Variants in DOCK1 observed in about 807,000 individuals in gnomAD.
DOCK1 encodes dedicator of cytokinesis 1.
In DOCK1, 138 loss-of-function variants were observed where a neutral mutation model predicts 262.7. The observed-to-expected ratio is 0.53, with a 90% CI of 0.46 to 0.61. The LOEUF (loss-of-function observed/expected upper bound fraction) is 0.61, where lower values mean the gene tolerates loss of function less well. Among genes scored for constraint, DOCK1 ranks in the 20% least tolerant of loss-of-function variants. The pLI is 0.00. For synonymous variants in DOCK1, 866 were observed against 867.4 expected (o/e 1.00, Z 0.03); for missense variants, 1,908 against 2,370.7 (o/e 0.80, Z 4.05).
intron 25 of DOCK1, among the ~76,000 whole-genome samples, chr10:127,116,856 T>C (rs751832526): frequency 9.9e-5 from 15 of 152,204 alleles, no homozygotes; most frequent in Non-Finnish European, 1.9e-4. Flanking sequence ...AATTAGATAG[T>C]TGTGCTGATG....
At chr10:127,424,067 AC>A (rs374342109) in intron 46 of DOCK1, among the ~76,000 whole-genome samples, 1 of 152,096 alleles carries the variant, frequency 6.6e-6, no homozygotes, top group Non-Finnish European at 1.5e-5. Context: ...ACCATTTCAG[AC>A]CCTCGGTCTA....
intron 1 of DOCK1, among the ~76,000 whole-genome samples, chr10:126,966,024 C>A (rs959643329): frequency 0.03 from 4,630 of 152,242 alleles, 206 homozygotes; most frequent in African/African-American, 0.1. Context: ...CCACTTCCCC[C>A]CTACCCTTCT....
At position 127,175,164 on chromosome 10, in the gene DOCK1, T is replaced by C. The variant is rs2133887381; in HGVS notation, c.2847+47400T>C. 1 of 1,493,774 alleles carries C rather than the reference T, an allele frequency of 6.7e-7. No homozygotes were observed. The highest frequency in any genetic ancestry group is 9.2e-7 in the Non-Finnish European group (1 of 1,088,014). The allele number at this position is 1,493,774 out of a possible 1,614,324, so 92.5% of individuals were successfully genotyped here. A position where few individuals can be genotyped will look rare whatever the true frequency, so the allele number is the denominator to read the frequency against. ...GGTTTGGGGCTACAGATGGACTCTGTGGTGATCAGCCTGCATAGCTTCCTA... is the reference window on the plus strand; with the variant it reads ...GGTTTGGGGCTACAGATGGACTCTGCGGTGATCAGCCTGCATAGCTTCCTA... On this transcript the variant is annotated intron_variant, in intron 27 of 51. Transcript: ENST00000623213. This position sits in a 1 kb window ranked among gnomAD's most constrained non-coding sequence, Gnocchi z 6.3.
At chr10:126,906,387 G>C (rs1008092085) in intron 1 of DOCK1, among the ~76,000 whole-genome samples, 5 of 152,206 alleles carry the variant, frequency 3.3e-5, no homozygotes, top group African/African-American at 1.2e-4. Flanking sequence ...ACCCGCAGCC[G>C]GTCGCCGAGG....
intron 3 of DOCK1, among the ~76,000 whole-genome samples, chr10:126,979,972 C>A (rs368063450): frequency 7.2e-5 from 11 of 152,248 alleles, no homozygotes; most frequent in African/African-American, 2.6e-4. Flanking sequence ...CTTCATGATT[C>A]TCCAGTGGGT....
At chr10:127,093,239 C>CTTTCTTTCTTTCTTTCTTTCTTTCT (rs372397425) in intron 23 of DOCK1, among the ~76,000 whole-genome samples, 3 of 94,268 alleles carry the variant, frequency 3.2e-5, no homozygotes, top group African/African-American at 9.7e-5. Context: ...TTCTTTCTTT[C>CTTTCTTTCTTTCTTTCTTTCTTTCT]TTCTTTTTTT....
At chr10:127,125,387 TGCTTGAAAGG>T (rs1308020914) in intron 25 of DOCK1, 77 bp from the exon 26 acceptor site, 1 of 1,578,488 alleles carries the variant, frequency 6.3e-7, no homozygotes, top group Non-Finnish European at 8.6e-7. Context: ...GAATGCAAAC[TGCTTGAAAGG>T]GCAGACAAGC....
intron 11 of DOCK1, among the ~76,000 whole-genome samples, chr10:127,011,739 A>G (rs543505509): frequency 1.3e-5 from 2 of 152,130 alleles, no homozygotes; most frequent in South Asian, 2.1e-4. Flanking sequence ...TACGTAGTCC[A>G]GGAGGGTAGA....
At position 127,012,207 on chromosome 10, in the gene DOCK1, G is replaced by T. The variant is rs757912607; in HGVS notation, c.1059-25G>T. The T allele has an allele frequency of 1.5e-6, 2 of 1,302,330 alleles. No individual in the cohort carries two copies. Among genetic ancestry groups the T allele is most frequent in the African/African-American group, 2.9e-5 (2 of 68,788 alleles). 80.7% of individuals were successfully genotyped at this position (1,302,330 alleles called of 1,614,324 possible). On this transcript the variant is annotated intron_variant, in intron 11 of 51. Transcript: ENST00000623213. This position sits in a 1 kb window ranked among gnomAD's most constrained non-coding sequence, Gnocchi z 4.0. ...TCTCTGTGCCCCTTTGTCTCCTGTG[G>T]TCTTGGTCGTCCCGTGCCCTCCAGG...
chr10:127,415,408 G>A (rs565764602), intron 44 of DOCK1, among the ~76,000 whole-genome samples, 170 bp downstream of exon 44: 12 of 152,122 alleles, frequency 7.9e-5, no homozygotes, highest in South Asian at 2.1e-4. Context: ...ATATCTCCTC[G>A]CCTAGCCATA....
intron 23 of DOCK1, among the ~76,000 whole-genome samples, chr10:127,105,476 AT>A (rs2048478423): frequency 6.6e-6 from 1 of 152,200 alleles, no homozygotes; most frequent in Non-Finnish European, 1.5e-5. Flanking sequence ...ACAGGAAAAC[AT>A]TTTTGGAATG....
At chr10:127,191,113 C>T (rs1005293338) in intron 27 of DOCK1, among the ~76,000 whole-genome samples, 3 of 152,124 alleles carry the variant, frequency 2.0e-5, no homozygotes, top group African/African-American at 7.2e-5. Flanking sequence ...CACCCTACCA[C>T]TTGGCTTAAG....
At chr10:127,361,803 G>A (rs2064467276) in intron 32 of DOCK1, among the ~76,000 whole-genome samples, 1 of 152,188 alleles carries the variant, frequency 6.6e-6, no homozygotes, top group African/African-American at 2.4e-5. Context: ...CATCTTCTCT[G>A]ACAGAGAAGT....
intron 27 of DOCK1, among the ~76,000 whole-genome samples, chr10:127,141,854 G>A (rs2051290776): frequency 6.6e-6 from 1 of 152,180 alleles, no homozygotes; most frequent in Non-Finnish European, 1.5e-5. Flanking sequence ...TCCAGATGGA[G>A]TCTGTGGCCT....
chr10:127,149,174 C>T (rs1592233676), intron 27 of DOCK1, among the ~76,000 whole-genome samples: 1 of 152,182 alleles, frequency 6.6e-6, no homozygotes, highest in African/African-American at 2.4e-5. Context: ...TAAAAAGCAG[C>T]TCCTGGGATT....
At chr10:127,341,674 A>G (rs2063432363) in intron 30 of DOCK1, among the ~76,000 whole-genome samples, 3 of 152,166 alleles carry the variant, frequency 2.0e-5, no homozygotes, top group African/African-American at 4.8e-5. Flanking sequence ...CTGTTTCTCA[A>G]CATGTTGGTT....
intron 16 of DOCK1, among the ~76,000 whole-genome samples, chr10:127,026,817 T>C (rs978227463): frequency 2.0e-5 from 3 of 152,232 alleles, no homozygotes; most frequent in Non-Finnish European, 4.4e-5. Context: ...TTGGTGGCCC[T>C]TGCTGTCTGG....
In DOCK1 at chr10:127,175,514, G is replaced by A. The variant is rs1390647767; in HGVS notation, c.2847+47750G>A. 2 of 1,609,438 alleles carry A rather than the reference G, an allele frequency of 1.2e-6. No homozygotes were observed. Among genetic ancestry groups the A allele is most frequent in the African/African-American group, 2.7e-5 (2 of 75,044 alleles). On this transcript the variant is annotated intron_variant, in intron 27 of 51. Coordinates refer to ENST00000623213, the MANE Select transcript of DOCK1 (RefSeq NM_001290223.2). The surrounding 1 kb of genome is among the most constrained non-coding windows in gnomAD (Gnocchi z 6.3). ...TTTCCGAGGGCGCCTGGAGCCCGTT[G>A]AGATGTGTGGCTCTCCTCCGCTCGT... is the stretch of plus-strand genomic sequence containing the variant.
intron 29 of DOCK1, among the ~76,000 whole-genome samples, chr10:127,319,247 C>T (rs2062416174): frequency 6.6e-6 from 1 of 152,192 alleles, no homozygotes; most frequent in Admixed American, 6.5e-5. Flanking sequence ...CATAGCTTCA[C>T]TATAAAATTG....
Sources: allele counts gnomAD v4.1 joint callset (sites outside exome capture counted in the v4.1 genomes callset), GRCh38; gene constraint gnomAD v4.1.1; non-coding constraint Gnocchi (gnomAD v3.1); transcripts MANE v1.5; gene names NCBI Gene and HGNC (gene_info 2026-07-23, HGNC 2026-07-21).